Variants in S100Z observed in about 807,000 individuals in gnomAD.
S100Z encodes protein S100-Z.
A neutral mutation model predicts 8.5 loss-of-function variants in S100Z; 11 were observed. That is an observed-to-expected ratio of 1.30 (90% CI 0.82 to 2.15). S100Z has a LOEUF of 2.15. S100Z is among the 30% of genes most tolerant of loss of function. The probability of loss-of-function intolerance (pLI) is 0.00; values close to 1 mark genes in which losing one functional copy is unlikely to be tolerated. For missense variants in S100Z, 126 were observed against 117.9 expected, an observed-to-expected ratio of 1.07 and a Z score of -0.32; for synonymous variants, 34 against 43.8, an observed-to-expected ratio of 0.78 and a Z score of 0.89.
chr5:76,897,221 G>A (rs1744066930), intron 4 of S100Z, among the ~76,000 whole-genome samples: 1 of 152,072 alleles, frequency 6.6e-6, no homozygotes, highest in Admixed American at 6.6e-5. Flanking sequence ...GGGAGGCTGA[G>A]GTGGGCGGAT....
At position 76,906,305 on chromosome 5, in the gene S100Z, T is replaced by C. The variant is rs549112357; in HGVS notation, c.*3-14412T>C. Among the ~76,000 whole-genome samples the C allele has an allele frequency of 3.9e-5, 6 of 152,310 alleles. No individual in the cohort carries two copies. The South Asian group carries it at 1.2e-3, about 32-fold the overall frequency. On this transcript the variant is annotated intron_variant, in intron 4 of 4. Transcript: ENST00000317593. Reference sequence around the variant, plus strand: ...ATGAGAACACTTAAAATCTAATCTCTTGGCAATTTTCAAGTATGTAATACA... The same window carrying C: ...ATGAGAACACTTAAAATCTAATCTCCTGGCAATTTTCAAGTATGTAATACA...
intron 4 of S100Z, among the ~76,000 whole-genome samples, chr5:76,904,430 G>A (rs977977528): frequency 7.9e-5 from 12 of 152,098 alleles, no homozygotes; most frequent in Non-Finnish European, 1.0e-4. Context: ...ACTGGCACCC[G>A]CCATCATGCC....
rs191048064 is a variant in S100Z, at chr5:76,883,190, A to G, written c.*2+5356A>G. Among the ~76,000 whole-genome samples the G allele has an allele frequency of 1.8e-3, 274 of 152,202 alleles. 1 individual carries two copies. The highest frequency in any genetic ancestry group is 6.4e-3 in the African/African-American group (266 of 41,514). On this transcript the variant is annotated intron_variant, in intron 4 of 4. Coordinates refer to ENST00000317593, the MANE Select transcript of S100Z (RefSeq NM_130772.4). Reference sequence around the variant, plus strand: ...TTAATGGGATGGTAAGGGGTGCATCATTTGTCACCAAGGAGGGAGTAGAGG... The same window carrying G: ...TTAATGGGATGGTAAGGGGTGCATCGTTTGTCACCAAGGAGGGAGTAGAGG...
At chr5:76,908,429 T>G (rs1198306229) in intron 4 of S100Z, among the ~76,000 whole-genome samples, 1 of 152,202 alleles carries the variant, frequency 6.6e-6, no homozygotes, top group East Asian at 1.9e-4. Flanking sequence ...ACTTCTCTTC[T>G]CTGAGGCTAG....
At chr5:76,864,651 G>A (rs557109297) in intron 1 of S100Z, among the ~76,000 whole-genome samples, 8 of 151,876 alleles carry the variant, frequency 5.3e-5, no homozygotes, top group South Asian at 2.1e-4. Flanking sequence ...CGAGCCACCC[G>A]CCTCAGCCTC....
intron 4 of S100Z, among the ~76,000 whole-genome samples, chr5:76,879,389 A>G (rs936987374): frequency 2.0e-5 from 3 of 152,186 alleles, no homozygotes; most frequent in African/African-American, 7.2e-5. Context: ...TGGTTCTATT[A>G]CATGCAACCA....
intron 2 of S100Z, among the ~76,000 whole-genome samples, chr5:76,872,551 C>T (rs1743048451): frequency 6.6e-6 from 1 of 150,640 alleles, no homozygotes; most frequent in Non-Finnish European, 1.5e-5. Context: ...GTCCCAGCTA[C>T]TCAGGTGGCT....
chr5:76,880,785 T>C (rs1027959862), intron 4 of S100Z, among the ~76,000 whole-genome samples: 1 of 152,222 alleles, frequency 6.6e-6, no homozygotes, highest in Non-Finnish European at 1.5e-5. Flanking sequence ...TGTTGTCATA[T>C]ACCAGGCCAG....
At chr5:76,867,561 T>C (rs1005280378) in intron 1 of S100Z, among the ~76,000 whole-genome samples, 1 of 152,054 alleles carries the variant, frequency 6.6e-6, no homozygotes, top group Non-Finnish European at 1.5e-5. Flanking sequence ...TTTACCAGTT[T>C]TTTTTCTCTA....
At chr5:76,869,545 G>T (rs1288925621) in intron 1 of S100Z, among the ~76,000 whole-genome samples, 1 of 152,210 alleles carries the variant, frequency 6.6e-6, no homozygotes, top group African/African-American at 2.4e-5. Context: ...ATGGCCAGGA[G>T]CGTGGGTGTT....
At chr5:76,898,940 T>TTTC (rs1744139130) in intron 4 of S100Z, among the ~76,000 whole-genome samples, 1 of 143,452 alleles carries the variant, frequency 7.0e-6, no homozygotes, top group East Asian at 2.5e-4. Flanking sequence ...TTTCTTTTTT[T>TTTC]TTTTTTTTTT....
At chr5:76,871,395 A>G (rs1743004624) in intron 2 of S100Z, among the ~76,000 whole-genome samples, 1 of 152,184 alleles carries the variant, frequency 6.6e-6, no homozygotes, top group Non-Finnish European at 1.5e-5. Context: ...TGGAGGTTTC[A>G]TCTACATAAG....
downstream of S100Z, among the ~76,000 whole-genome samples, chr5:76,925,164 A>G (rs1450131734): frequency 4.7e-5 from 4 of 85,316 alleles, no homozygotes; most frequent in Admixed American, 5.0e-4. Context: ...CTAGATAGAG[A>G]GAGAGAGAGG....
chr5:76,906,996 A>G (rs1212385860), intron 4 of S100Z, among the ~76,000 whole-genome samples: 10 of 14,848 alleles, frequency 6.7e-4, no homozygotes, highest in East Asian at 5.2e-3. Flanking sequence ...ATATATATAT[A>G]TATATATATA....
rs896370721 is a variant in S100Z, at chr5:76,890,357, T to C, written c.*2+12523T>C. ...AATTTTGAAAATATATATTTCTTTT[T>C]CCCCCAAAGATAGTGGAAACAAGGA... On this transcript the variant is annotated intron_variant, in intron 4 of 4. Coordinates refer to ENST00000317593, the MANE Select transcript of S100Z (RefSeq NM_130772.4). Among the ~76,000 whole-genome samples the C allele has an allele frequency of 5.9e-5, 9 of 152,170 alleles. No homozygotes were observed. The South Asian group carries it at 1.5e-3, about 25-fold the overall frequency.
At chr5:76,861,200 G>C (rs1318047073) in intron 1 of S100Z, among the ~76,000 whole-genome samples, 1 of 152,182 alleles carries the variant, frequency 6.6e-6, no homozygotes, top group Non-Finnish European at 1.5e-5. Context: ...TGCGTGCCTG[G>C]TCAGTTGGTA....
chr5:76,859,768 C>CA (rs70982653), intron 1 of S100Z, among the ~76,000 whole-genome samples: 31 of 97,656 alleles, frequency 3.2e-4, no homozygotes, highest in African/African-American at 9.0e-4. Context: ...GCAACAGAGC[C>CA]AAAAAAAAAA....
At chr5:76,871,088 C>T (rs1742995147) in intron 2 of S100Z, among the ~76,000 whole-genome samples, 1 of 152,120 alleles carries the variant, frequency 6.6e-6, no homozygotes, top group South Asian at 2.1e-4. Context: ...TCAGACAGGC[C>T]TCATTGTACC....
intron 4 of S100Z, among the ~76,000 whole-genome samples, chr5:76,904,336 T>C (rs963445821): frequency 6.6e-6 from 1 of 151,768 alleles, no homozygotes. Context: ...CTGGAGTGCA[T>C]TGGCATGATC....
Sources: gnomAD v4.1 joint callset for allele counts (sites outside exome capture counted in the v4.1 genomes callset) on GRCh38, gnomAD v4.1.1 for gene constraint, MANE v1.5 for transcripts, NCBI Gene and HGNC (gene_info 2026-07-23, HGNC 2026-07-21) for gene names.